Variants in CDK8 observed in about 807,000 individuals in gnomAD.
CDK8 encodes the protein cyclin-dependent kinase 8.
A neutral mutation model predicts 71.5 loss-of-function variants in CDK8; 29 were observed. The observed-to-expected ratio is 0.41, with a 90% confidence interval of 0.30 to 0.55. The LOEUF (loss-of-function observed/expected upper bound fraction) is 0.55. Ranked by LOEUF, CDK8 falls within the 20% of genes least tolerant of loss-of-function variation. The pLI, the probability that CDK8 is intolerant of heterozygous loss-of-function variation, is 0.37. For synonymous variants in CDK8, 161 were observed against 192.1 expected, an observed-to-expected ratio of 0.84 and a Z score of 1.34; for missense variants, 288 against 572.6, an observed-to-expected ratio of 0.50 and a Z score of 5.07.
chr13:26,404,135 G>A lies in CDK8; in HGVS notation c.*54G>A. 1 of 1,598,146 alleles carries A rather than the reference G, an allele frequency of 6.3e-7. No individual in the cohort carries two copies. Among genetic ancestry groups the A allele is most frequent in the South Asian group, 1.1e-5 (1 of 89,278 alleles). Reference sequence around the variant, plus strand: ...TTGCGAATGCTGCAGGGCTGACTGTGCAGCTCTCTGCGGGAACCTGGTATG... The same window carrying A: ...TTGCGAATGCTGCAGGGCTGACTGTACAGCTCTCTGCGGGAACCTGGTATG... On this transcript the variant is annotated 3_prime_UTR_variant, in exon 13 of 13. Coordinates refer to ENST00000381527, the MANE Select transcript of CDK8 (RefSeq NM_001260.3).
chr13:26,341,190 G>C (rs778550810), intron 2 of CDK8, among the ~76,000 whole-genome samples: 2 of 152,068 alleles, frequency 1.3e-5, no homozygotes, highest in Non-Finnish European at 2.9e-5. Flanking sequence ...GCAATGGCAC[G>C]ATCTCGGCTC....
At chr13:26,384,948 G>C (rs998560427) in intron 5 of CDK8, among the ~76,000 whole-genome samples, 1 of 152,128 alleles carries the variant, frequency 6.6e-6, no homozygotes, top group African/African-American at 2.4e-5. Flanking sequence ...AGAAAAATCT[G>C]CCCAGAGAAG....
intron 4 of CDK8, 129 bp downstream of exon 4, chr13:26,354,009 C>A (rs560844674): frequency 1.3e-6 from 1 of 746,494 alleles, no homozygotes; most frequent in African/African-American, 1.8e-5. Context: ...ATGCTACCTT[C>A]TCAAAACATG....
chr13:26,300,919 G>A (rs1191280144), intron 1 of CDK8, among the ~76,000 whole-genome samples: 1 of 152,166 alleles, frequency 6.6e-6, no homozygotes, highest in African/African-American at 2.4e-5. Context: ...GGAAAGTGGG[G>A]GTGAGGAGAG....
intron 4 of CDK8, 52 bp from the exon 5 acceptor site, chr13:26,382,757 CTATTT>C: frequency 3.0e-6 from 3 of 1,006,938 alleles, no homozygotes; most frequent in Non-Finnish European, 4.5e-6. Context: ...GGCATATTGT[CTATTT>C]AAAAGAAACC....
At chr13:26,296,931 T>C (rs1288031250) in intron 1 of CDK8, among the ~76,000 whole-genome samples, 1 of 152,160 alleles carries the variant, frequency 6.6e-6, no homozygotes, top group Admixed American at 6.5e-5. Context: ...CTAGAGGTCC[T>C]TGTAGTAATA....
At chr13:26,283,620 C>T (rs1018596675) in intron 1 of CDK8, among the ~76,000 whole-genome samples, 4 of 151,128 alleles carry the variant, frequency 2.6e-5, no homozygotes, top group Admixed American at 6.6e-5. Flanking sequence ...AAAAAGTAGA[C>T]TGGGCACAGT....
chr13:26,269,498 C>G (rs1178868407), intron 1 of CDK8, among the ~76,000 whole-genome samples: 6 of 151,716 alleles, frequency 4.0e-5, no homozygotes, highest in Non-Finnish European at 1.5e-5. Context: ...TTAAGGAAAT[C>G]GATCAAAGTA....
intron 5 of CDK8, 50 bp from the exon 6 acceptor site, chr13:26,385,161 A>G: frequency 6.7e-7 from 1 of 1,486,880 alleles, no homozygotes; most frequent in South Asian, 1.2e-5. Context: ...AATTGGTTAG[A>G]TTTGTAAAAA....
chr13:26,279,862 T>C (rs747113204), intron 1 of CDK8, among the ~76,000 whole-genome samples: 1 of 152,232 alleles, frequency 6.6e-6, no homozygotes, highest in Non-Finnish European at 1.5e-5. Context: ...AGAAGAGGTA[T>C]TTCAGAATGA....
At chr13:26,309,454 A>G (rs1456865254) in intron 1 of CDK8, among the ~76,000 whole-genome samples, 1 of 151,982 alleles carries the variant, frequency 6.6e-6, no homozygotes, top group Non-Finnish European at 1.5e-5. Flanking sequence ...TTTATATTTT[A>G]CCAATTTTCT....
chr13:26,343,637 A>G (rs1448067015), intron 2 of CDK8, among the ~76,000 whole-genome samples: 2 of 152,212 alleles, frequency 1.3e-5, no homozygotes, highest in African/African-American at 4.8e-5. Context: ...ATCAGTGAGT[A>G]GTGAATGAAT....
intron 2 of CDK8, among the ~76,000 whole-genome samples, chr13:26,339,222 T>C (rs1442997487): frequency 6.6e-6 from 1 of 152,120 alleles, no homozygotes; most frequent in Non-Finnish European, 1.5e-5. Context: ...TATTTCCCAA[T>C]ATTTTCTTCT....
chr13:26,255,790 C>A lies in CDK8; in HGVS notation c.128+1021C>A, dbSNP rs180804036. 2.4e-4 allele frequency among the ~76,000 whole-genome samples: 36 copies of A among 152,210 alleles called. No homozygotes were observed. The East Asian group carries it at 7.0e-3, about 29-fold the overall frequency. ...AAACGAAGTAGCTTTACTTGAGCAT[C>A]CCAGTTTAGTCACCTGCTGTATGAT... On this transcript the variant is annotated intron_variant, in intron 1 of 12. Coordinates refer to ENST00000381527, the MANE Select transcript of CDK8 (RefSeq NM_001260.3).
chr13:26,352,406 C>T (rs1462868602), intron 3 of CDK8, among the ~76,000 whole-genome samples: 1 of 151,926 alleles, frequency 6.6e-6, no homozygotes, highest in African/African-American at 2.4e-5. Context: ...TTAGTAGAGA[C>T]GGGGTTTCAC....
intron 4 of CDK8, among the ~76,000 whole-genome samples, chr13:26,378,223 A>G (rs1172143258): frequency 2.0e-5 from 3 of 152,164 alleles, no homozygotes; most frequent in Non-Finnish European, 4.4e-5. Flanking sequence ...TGTCTTTTTC[A>G]AGATAGAGCT....
At chr13:26,333,301 G>A (rs1409430832) in intron 1 of CDK8, among the ~76,000 whole-genome samples, 7 of 151,922 alleles carry the variant, frequency 4.6e-5, no homozygotes, top group African/African-American at 4.8e-5. Context: ...TACCACGCCC[G>A]GCTAAGTTTC....
intron 4 of CDK8, among the ~76,000 whole-genome samples, chr13:26,363,073 G>T (rs1412408450): frequency 3.3e-5 from 5 of 149,460 alleles, no homozygotes. Flanking sequence ...TGTAATCCCA[G>T]CACTTTGGGA....
chr13:26,306,301 A>G (rs1448344051), intron 1 of CDK8, among the ~76,000 whole-genome samples: 1 of 152,172 alleles, frequency 6.6e-6, no homozygotes, highest in African/African-American at 2.4e-5. Context: ...GAGCCCTACA[A>G]GACTATCAGA....
Sources: gnomAD v4.1 joint callset for allele counts (sites outside exome capture counted in the v4.1 genomes callset) on GRCh38, gnomAD v4.1.1 for gene constraint, MANE v1.5 for transcripts, NCBI Gene and HGNC (gene_info 2026-07-23, HGNC 2026-07-21) for gene names.